The following CTIF variants were observed in gnomAD, a reference collection of about 807,000 sequenced individuals.
The protein encoded by CTIF is cap binding complex dependent translation initiation factor.
A neutral mutation model predicts 66.0 loss-of-function variants in CTIF; 21 were observed. The observed-to-expected ratio is 0.32, with a 90% CI of 0.23 to 0.46. CTIF has a LOEUF of 0.46. Among genes scored for constraint, CTIF ranks in the 20% least tolerant of loss-of-function variants. The probability of loss-of-function intolerance (pLI) is 1.00; values close to 1 mark genes in which losing one functional copy is unlikely to be tolerated. For synonymous variants in CTIF, 345 were observed against 326.4 expected, an observed-to-expected ratio of 1.06 and a Z score of -0.62; for missense variants, 739 against 812.7, an observed-to-expected ratio of 0.91 and a Z score of 1.10.
chr18:48,675,032 A>G (rs1337522031), intron 6 of CTIF, among the ~76,000 whole-genome samples: 1 of 15,712 alleles, frequency 6.4e-5, no homozygotes, highest in Admixed American at 8.5e-4. Flanking sequence ...AAGAACACTG[A>G]TGGGGTGGTG....
chr18:48,586,163 T>C (rs1315344939), intron 1 of CTIF, among the ~76,000 whole-genome samples: 1 of 152,172 alleles, frequency 6.6e-6, no homozygotes, highest in Non-Finnish European at 1.5e-5. Context: ...TTTAAAATAC[T>C]CGTGCCAAAT....
At chr18:48,810,326 T>C (rs1022166157) in intron 9 of CTIF, among the ~76,000 whole-genome samples, 3 of 152,250 alleles carry the variant, frequency 2.0e-5, no homozygotes, top group Middle Eastern at 3.4e-3. Context: ...GCCAAAATAG[T>C]TAAGACTATA....
intron 2 of CTIF, among the ~76,000 whole-genome samples, chr18:48,628,833 A>C (rs1171439048): frequency 2.6e-5 from 4 of 152,198 alleles, no homozygotes; most frequent in Admixed American, 2.6e-4. Context: ...AATCTCAGCC[A>C]TCAGCAGCAT....
chr18:48,579,193 C>G (rs963730513), intron 1 of CTIF, among the ~76,000 whole-genome samples: 2 of 152,050 alleles, frequency 1.3e-5, no homozygotes, highest in Non-Finnish European at 2.9e-5. Flanking sequence ...AGTGGTGCAG[C>G]CTTGGCTCAC....
intron 1 of CTIF, among the ~76,000 whole-genome samples, chr18:48,614,686 G>A (rs957937356): frequency 1.3e-5 from 2 of 152,172 alleles, no homozygotes; most frequent in East Asian, 3.8e-4. Context: ...AGAGAGAAGG[G>A]TGAGGAAGAG....
chr18:48,684,038 G>A (rs977598011), intron 6 of CTIF, among the ~76,000 whole-genome samples: 5 of 152,226 alleles, frequency 3.3e-5, no homozygotes, highest in South Asian at 2.1e-4. Flanking sequence ...CTGCTGTGGC[G>A]TGGTGACATT....
intron 6 of CTIF, among the ~76,000 whole-genome samples, chr18:48,671,490 C>A (rs1158554069): frequency 6.6e-6 from 1 of 152,190 alleles, no homozygotes; most frequent in South Asian, 2.1e-4. Flanking sequence ...TTATCTATAT[C>A]CATTCATCTC....
At chr18:48,826,351 A>G (rs1300722779) in intron 10 of CTIF, 1 of 152,244 alleles carries the variant, frequency 6.6e-6, no homozygotes, top group African/African-American at 2.4e-5. Context: ...CAAGGCCTCC[A>G]TAAGCAAACA....
chr18:48,608,262 G>A (rs2090240683), intron 1 of CTIF, among the ~76,000 whole-genome samples: 1 of 152,186 alleles, frequency 6.6e-6, no homozygotes, highest in Non-Finnish European at 1.5e-5. Flanking sequence ...GCAAGAAGGT[G>A]GGCCAGTGTT....
intron 7 of CTIF, among the ~76,000 whole-genome samples, chr18:48,715,628 G>A (rs143654029): frequency 1.3e-5 from 2 of 152,228 alleles, no homozygotes; most frequent in Non-Finnish European, 2.9e-5. Context: ...GTCCCTCACC[G>A]CTGGGGAGGA....
intron 7 of CTIF, among the ~76,000 whole-genome samples, chr18:48,743,028 C>T (rs72911675): frequency 1.3e-5 from 2 of 152,184 alleles, no homozygotes; most frequent in African/African-American, 4.8e-5. Context: ...ATTTTTTACC[C>T]ATAATGGACA....
chr18:48,740,301 TG>T (rs1054254158), intron 7 of CTIF, among the ~76,000 whole-genome samples: 2 of 152,210 alleles, frequency 1.3e-5, no homozygotes, highest in African/African-American at 4.8e-5. Flanking sequence ...AACTAAGAGA[TG>T]GCCCCCTGTA....
In CTIF at chr18:48,636,656, T is replaced by G; in HGVS notation, c.223T>G (p.Phe75Val). The change falls in exon 3 of 12, where the codon TTC becomes GTC. Residue 75 changes from phenylalanine (F) to valine (V), a missense_variant. Physicochemically the swap from Phe to Val is conservative, Grantham distance 50 (BLOSUM62 -1). This residue lies in a region of CTIF where 529 missense variants were observed against 520.3 expected (regional missense o/e 1.02). Coordinates refer to ENST00000256413, the MANE Select transcript of CTIF (RefSeq NM_014772.3). ...CGAACCGCTGGACAGCAGCTGTTCC[T>G]TCTCCCGAGGGCGAGCCCCCCCACA... ...CSEPLDSSCS[F>V]SRGRAPPQQN... 1.2e-6 allele frequency: 2 copies of G among 1,601,576 alleles called. No homozygotes were observed. Among genetic ancestry groups the G allele is most frequent in the Non-Finnish European group, 1.7e-6 (2 of 1,175,006 alleles).
At chr18:48,675,349 CCA>C (rs2091609234) in intron 6 of CTIF, among the ~76,000 whole-genome samples, 1 of 152,158 alleles carries the variant, frequency 6.6e-6, no homozygotes, top group African/African-American at 2.4e-5. Context: ...GAGTGTGGCC[CCA>C]GTGTTGAGGA....
At chr18:48,715,190 G>C (rs1247771446) in intron 7 of CTIF, among the ~76,000 whole-genome samples, 1 of 152,134 alleles carries the variant, frequency 6.6e-6, no homozygotes. Context: ...GTCACCTGCA[G>C]ACTCTGCTCC....
intron 7 of CTIF, among the ~76,000 whole-genome samples, chr18:48,712,683 C>G (rs760198064): frequency 1.3e-5 from 2 of 152,236 alleles, no homozygotes; most frequent in African/African-American, 4.8e-5. Context: ...AAGAAACAGC[C>G]GGTGGACATG....
At position 48,745,044 on chromosome 18, in the gene CTIF, G is replaced by A. The variant is rs192927259; in HGVS notation, c.585-12875G>A. On this transcript the variant is annotated intron_variant, in intron 7 of 11. Transcript: ENST00000256413. ...TCACCGTGTTAGCTAGGATGGTCTCGATCTCCTGACCATGTGATCCGCCTG... is the reference window on the plus strand; with the variant it reads ...TCACCGTGTTAGCTAGGATGGTCTCAATCTCCTGACCATGTGATCCGCCTG... Among the ~76,000 whole-genome samples the A allele has an allele frequency of 4.9e-3, 751 of 152,152 alleles. 1 individual carries two copies. The highest frequency in any genetic ancestry group is 0.044 in the Middle Eastern group (13 of 294).
intron 6 of CTIF, chr18:48,682,984 T>C (rs1178591652): frequency 2.6e-5 from 4 of 152,272 alleles, no homozygotes. Flanking sequence ...CTGGGCTCAG[T>C]GTTCCAGATC....
At position 48,675,960 on chromosome 18, in the gene CTIF, G is replaced by T. The variant is rs1016259602; in HGVS notation, c.507+5216G>T. Among the ~76,000 whole-genome samples the T allele has an allele frequency of 8.5e-5, 13 of 152,326 alleles. No individual in the cohort carries two copies. The East Asian group carries it at 2.3e-3, about 27-fold the overall frequency. On this transcript the variant is annotated intron_variant, in intron 6 of 11. Coordinates refer to ENST00000256413, the MANE Select transcript of CTIF (RefSeq NM_014772.3). ...TTAACTTGACCAAGTTCCATGTGAAGGCAAGGGATGAAATCCGAATTGCAT... is the reference window on the plus strand; with the variant it reads ...TTAACTTGACCAAGTTCCATGTGAATGCAAGGGATGAAATCCGAATTGCAT...
Sources: allele counts gnomAD v4.1 joint callset (sites outside exome capture counted in the v4.1 genomes callset), GRCh38; gene constraint gnomAD v4.1.1; regional missense constraint gnomAD v4.1.1; transcripts MANE v1.5; gene names NCBI Gene and HGNC (gene_info 2026-07-23, HGNC 2026-07-21).